The following ELAVL4 variants were observed in gnomAD, a reference collection of about 807,000 sequenced individuals.
ELAVL4 encodes ELAV like RNA binding protein 4.
A neutral mutation model predicts 35.6 loss-of-function variants in ELAVL4; 1 was observed. That is an observed-to-expected ratio of 0.03 (90% confidence interval 0.01 to 0.13). The LOEUF is 0.13. ELAVL4 is among the 10% of genes least tolerant of loss of function. The pLI is 1.00. For missense variants in ELAVL4, 267 were observed against 464.9 expected (o/e 0.57, Z 3.91); for synonymous variants, 156 against 171.0 (o/e 0.91, Z 0.69).
intron 1 of ELAVL4, among the ~76,000 whole-genome samples, chr1:50,110,827 C>G (rs1405398596): frequency 6.6e-6 from 1 of 151,964 alleles, no homozygotes; most frequent in East Asian, 1.9e-4. Flanking sequence ...GGGTGTAAAA[C>G]AAATAAGATT....
At chr1:50,114,327 G>C (rs534973942) in intron 1 of ELAVL4, among the ~76,000 whole-genome samples, 2 of 152,092 alleles carry the variant, frequency 1.3e-5, no homozygotes, top group African/African-American at 4.8e-5. Flanking sequence ...TAAGATGGAA[G>C]TGTTAACATC....
Position 50,110,003 on chromosome 1 carries a change from C to CTGTG in ELAVL4, c.9+826_9+829dup, listed in dbSNP as rs113726459. The stretch of plus-strand genomic sequence containing the variant: ...GGAAGGCAGCCTGGAGGTCCCAGCC[C>CTGTG]TGTGTGTGTGTGTGTGTGTGTGTGC... On this transcript the variant is annotated intron_variant, in intron 1 of 6. Transcript: ENST00000371824. 8.4e-4 allele frequency: 1,298 copies of CTGTG among 1,552,912 alleles called. 6 individuals are homozygous for CTGTG. The African/African-American group carries it at 0.011, about 14-fold the overall frequency.
intron 1 of ELAVL4, among the ~76,000 whole-genome samples, chr1:50,080,126 C>T (rs1403507628): frequency 6.6e-6 from 1 of 152,126 alleles, no homozygotes; most frequent in African/African-American, 2.4e-5. Flanking sequence ...TCCATACAGT[C>T]TCAGAGAAAG....
chr1:50,075,869 C>A (rs1312854058), intron 1 of ELAVL4, among the ~76,000 whole-genome samples: 1 of 151,784 alleles, frequency 6.6e-6, no homozygotes, highest in African/African-American at 2.4e-5. Flanking sequence ...ACTCTGTCAC[C>A]CAGGCTGGAG....
intron 1 of ELAVL4, among the ~76,000 whole-genome samples, chr1:50,063,655 T>C (rs1180574910): frequency 6.6e-6 from 1 of 152,172 alleles, no homozygotes; most frequent in Non-Finnish European, 1.5e-5. Flanking sequence ...AGATCTCAGG[T>C]GCTCCTCTCT....
At chr1:50,063,703 C>T (rs1188354703) in intron 1 of ELAVL4, among the ~76,000 whole-genome samples, 1 of 152,166 alleles carries the variant, frequency 6.6e-6, no homozygotes, top group Admixed American at 6.5e-5. Context: ...CTTGTCTGGA[C>T]TGCCTTCATG....
At position 50,195,658 on chromosome 1, in the gene ELAVL4, G is replaced by A. The variant is rs116732512; in HGVS notation, c.606G>A (p.Thr202=). 168 of 1,614,142 alleles carry A rather than the reference G, an allele frequency of 1.0e-4. No homozygotes were observed. The African/African-American group carries it at 1.2e-3, about 11-fold the overall frequency. Residue 202 remains threonine, a synonymous_variant, in exon 5 of 7, where the codon ACG becomes ACA. Coordinates refer to ENST00000371824, the MANE Select transcript of ELAVL4 (RefSeq NM_001144774.3). The part of the protein sequence containing the change: ...GLNGQKPSGA[T]EPITVKFANN... ...ATGGCCAGAAGCCCAGCGGTGCTAC[G>A]GAACCGATTACTGTGAAGTTTGCCA...
chr1:50,091,168 A>G (rs1326575554), intron 1 of ELAVL4, among the ~76,000 whole-genome samples: 3 of 152,220 alleles, frequency 2.0e-5, no homozygotes, highest in Non-Finnish European at 4.4e-5. Flanking sequence ...AGAATGTTGA[A>G]TTTCATTTCA....
At chr1:50,109,549 T>A in intron 1 of ELAVL4, 1 of 363,260 alleles carries the variant, frequency 2.8e-6, no homozygotes, top group Non-Finnish European at 5.0e-6. Flanking sequence ...AGGGGGTTTG[T>A]CTACGTGCCT....
intron 1 of ELAVL4, among the ~76,000 whole-genome samples, chr1:50,068,264 A>G (rs1024065319): frequency 3.9e-5 from 6 of 152,180 alleles, no homozygotes; most frequent in Non-Finnish European, 7.4e-5. Context: ...ATAACTAGAC[A>G]TGGGAGAATA....
chr1:50,059,176 T>C (rs1450876467), intron 1 of ELAVL4, among the ~76,000 whole-genome samples: 1 of 152,214 alleles, frequency 6.6e-6, no homozygotes, highest in Non-Finnish European at 1.5e-5. Flanking sequence ...TTTTCTTAAA[T>C]ATCAATCATA....
At chr1:50,121,775 C>T (rs939477973) in intron 1 of ELAVL4, among the ~76,000 whole-genome samples, 1 of 152,160 alleles carries the variant, frequency 6.6e-6, no homozygotes, top group Non-Finnish European at 1.5e-5. Flanking sequence ...TCATATCCTA[C>T]ATCTTTGATA....
intron 3 of ELAVL4, chr1:50,180,802 T>A (rs1216537748): frequency 6.6e-6 from 1 of 152,236 alleles, no homozygotes; most frequent in African/African-American, 2.4e-5. Flanking sequence ...AAAGGGCCTC[T>A]GAAGGATTCT....
At chr1:50,052,869 A>G (rs1208984507) in intron 1 of ELAVL4, among the ~76,000 whole-genome samples, 1 of 152,206 alleles carries the variant, frequency 6.6e-6, no homozygotes, top group Non-Finnish European at 1.5e-5. Flanking sequence ...TTGTGCAAAA[A>G]TGACTCCCAA....
At chr1:50,052,224 G>A (rs906699559) in intron 1 of ELAVL4, among the ~76,000 whole-genome samples, 1 of 152,198 alleles carries the variant, frequency 6.6e-6, no homozygotes, top group Non-Finnish European at 1.5e-5. Context: ...AAACAGGTGA[G>A]ATTTTAATTC....
rs878951210 is a variant in ELAVL4 at position 50,144,365 on chromosome 1, T to TA, written c.10-581dup. ...AGAAACAATAACAGAATGGCTAGAT[T>TA]AAAAAAAAAAAGACATTAGATGACT... On this transcript the variant is annotated intron_variant, in intron 1 of 6. Transcript: ENST00000371824. Among the ~76,000 whole-genome samples, 228 of 145,242 alleles carry TA rather than the reference T, an allele frequency of 1.6e-3. 3 individuals are homozygous for TA. The East Asian group carries it at 0.029, about 19-fold the overall frequency.
chr1:50,120,829 A>C (rs1668902899), intron 1 of ELAVL4, among the ~76,000 whole-genome samples: 1 of 152,074 alleles, frequency 6.6e-6, no homozygotes, highest in Non-Finnish European at 1.5e-5. Context: ...AGTACACTGC[A>C]TTCTCTCACC....
rs1006343956 is a variant in ELAVL4 at position 50,164,638 on chromosome 1, G to A, written c.251-12451G>A. Among the ~76,000 whole-genome samples the A allele has an allele frequency of 4.6e-5, 7 of 152,256 alleles. No individual in the cohort carries two copies. The South Asian group carries it at 1.5e-3, about 32-fold the overall frequency. On this transcript the variant is annotated intron_variant, in intron 2 of 6. Transcript: ENST00000371824. ...CAGCAATACAATATAAAAAATAAAA[G>A]AAAGGGCTTTGGATACCTCTAGAGT... is the stretch of plus-strand genomic sequence containing the variant.
chr1:50,103,929 G>A, upstream of ELAVL4: 1 of 1,613,678 alleles, frequency 6.2e-7, no homozygotes, highest in Non-Finnish European at 8.5e-7. Context: ...GGAGTTTTGT[G>A]CTGTTGCACG....
Sources: allele counts gnomAD v4.1 joint callset (sites outside exome capture counted in the v4.1 genomes callset), GRCh38; gene constraint gnomAD v4.1.1; transcripts MANE v1.5; gene names NCBI Gene and HGNC (gene_info 2026-07-23, HGNC 2026-07-21).